TMEM44: variants seen among roughly 807,000 people sequenced by gnomAD.
The protein encoded by TMEM44 is transmembrane protein 44.
Under a neutral mutation model 47.8 loss-of-function variants are expected in TMEM44, and 43 were observed. The observed-to-expected ratio is 0.90, with a 90% CI of 0.70 to 1.16. TMEM44 has a LOEUF of 1.16. Ranked by LOEUF, TMEM44 falls within the 50% of genes most tolerant of loss-of-function variation. The probability of loss-of-function intolerance (pLI) is 0.00; values close to 1 mark genes in which losing one functional copy is unlikely to be tolerated. For missense variants in TMEM44, 568 were observed against 555.2 expected, an observed-to-expected ratio of 1.02 and a Z score of -0.23; for synonymous variants, 277 against 238.8, an observed-to-expected ratio of 1.16 and a Z score of -1.48.
chr3:194,591,713 C>T (rs1457923024), intron 9 of TMEM44, among the ~76,000 whole-genome samples: 2 of 151,620 alleles, frequency 1.3e-5, no homozygotes, highest in Non-Finnish European at 2.9e-5. Flanking sequence ...TCAAGTGATT[C>T]TCCTGCCTTA....
intron 9 of TMEM44, among the ~76,000 whole-genome samples, chr3:194,601,390 C>T (rs143174577): frequency 0.01 from 1,541 of 151,694 alleles, 24 homozygotes; most frequent in African/African-American, 0.035. Context: ...CCGAAACCTC[C>T]GCCTCCTGGG....
intron 9 of TMEM44, among the ~76,000 whole-genome samples, chr3:194,599,576 T>TTTTTCTTTTC (rs200085990): frequency 3.2e-4 from 42 of 133,288 alleles, no homozygotes; most frequent in African/African-American, 8.8e-4. Context: ...TTTCATTTTC[T>TTTTTCTTTTC]TTTTCTTTTC....
intron 2 of TMEM44, among the ~76,000 whole-genome samples, chr3:194,627,458 C>A (rs922312191): frequency 6.6e-6 from 1 of 152,152 alleles, no homozygotes. Context: ...TGAGGGCCTA[C>A]GCTTTTGAGA....
Position 194,616,870 on chromosome 3 carries a change from G to C in TMEM44, c.783+229C>G, listed in dbSNP as rs545761592. ...AGATCACGCCACTGCACTCCAGCCTGGGCAACACAGCGAGACTCCATCTCA... is the reference window on the plus strand; with the variant it reads ...AGATCACGCCACTGCACTCCAGCCTCGGCAACACAGCGAGACTCCATCTCA... On this transcript the variant is annotated intron_variant, in intron 6 of 9. Coordinates refer to ENST00000347147, the MANE Select transcript of TMEM44 (RefSeq NM_001011655.3). 2.8e-5 allele frequency: 16 copies of C among 563,400 alleles called. No individual in the cohort carries two copies. The East Asian group carries it at 4.9e-4, about 17-fold the overall frequency. The allele number at this position is 563,400 out of a possible 1,614,324, so 34.9% of individuals were successfully genotyped here. A position where few individuals can be genotyped will look rare whatever the true frequency, so the allele number is the denominator to read the frequency against.
In TMEM44 at chr3:194,628,478, T is replaced by C; in HGVS notation, c.169A>G (p.Arg57Gly). 1 of 1,613,696 alleles carries C rather than the reference T, an allele frequency of 6.2e-7. No individual in the cohort carries two copies. Among genetic ancestry groups the C allele is most frequent in the Non-Finnish European group, 8.5e-7 (1 of 1,179,816 alleles). ...GCACACAGTGCCGACTGGTCCTGTC[T>C]GGGTTTCTGTGCACATCTCAGATAG... The part of the protein sequence containing the change: ...LLYLRCAQKP[R>G]QDQSALCAAC... Residue 57 changes from arginine (R) to glycine (G), a missense_variant, in exon 2 of 10, where the codon AGA becomes GGA. Arg to Gly is a moderately radical substitution (Grantham distance 125). Coordinates refer to ENST00000347147, the MANE Select transcript of TMEM44 (RefSeq NM_001011655.3).
chr3:194,618,130 G>A (rs7612618), intron 5 of TMEM44, among the ~76,000 whole-genome samples: 57,991 of 152,038 alleles, frequency 0.38, 11,900 homozygotes, highest in East Asian at 0.78. Context: ...ACAGAGACCG[G>A]ATCAGAAGAG....
At chr3:194,612,546 G>T (rs1420793330) in intron 7 of TMEM44, among the ~76,000 whole-genome samples, 4 of 150,826 alleles carry the variant, frequency 2.7e-5, no homozygotes, top group African/African-American at 9.8e-5. Context: ...GTTACTCACA[G>T]CCTCACACCC....
In TMEM44 at chr3:194,611,310, T is replaced by A. The variant is rs1489515399; in HGVS notation, c.913-290A>T. On this transcript the variant is annotated intron_variant, in intron 7 of 9. Transcript: ENST00000347147. The surrounding 1 kb of genome is among the most constrained non-coding windows in gnomAD (Gnocchi z 4.2). ...AGTTTCACTGTACTGACCAGGTTGG[T>A]CTCAAAGTCCTGGGCTCAAGTGATC... is the stretch of plus-strand genomic sequence containing the variant. 6.6e-6 allele frequency among the ~76,000 whole-genome samples: 1 copy of A among 152,134 alleles called. No homozygotes were observed. The highest frequency in any genetic ancestry group is 1.5e-5 in the Non-Finnish European group (1 of 68,024).
chr3:194,632,852 G>A, intron 1 of TMEM44: 1 of 737,372 alleles, frequency 1.4e-6, no homozygotes, highest in African/African-American at 1.9e-5. Context: ...CCCATCCGCT[G>A]CACCACCCAG....
At chr3:194,623,857 T>C (rs1207825867) in intron 3 of TMEM44, among the ~76,000 whole-genome samples, 162 bp from the exon 4 acceptor site, 1 of 152,166 alleles carries the variant, frequency 6.6e-6, no homozygotes, top group Non-Finnish European at 1.5e-5. Context: ...GGCCCTGTAG[T>C]TGTGCCACCT....
At chr3:194,593,359 AATTATT>A (rs574923162) in intron 9 of TMEM44, among the ~76,000 whole-genome samples, 2 of 152,144 alleles carry the variant, frequency 1.3e-5, no homozygotes, top group Admixed American at 6.6e-5. Context: ...TATTAGTAGA[AATTATT>A]ATTATTATTA....
At chr3:194,605,383 A>G (rs1266748036) in intron 8 of TMEM44, among the ~76,000 whole-genome samples, 3 of 152,244 alleles carry the variant, frequency 2.0e-5, no homozygotes, top group Non-Finnish European at 2.9e-5. Flanking sequence ...CTAATGTATT[A>G]GTTTGTTTTC....
At chr3:194,598,365 G>T (rs1351010359) in intron 9 of TMEM44, among the ~76,000 whole-genome samples, 1 of 152,164 alleles carries the variant, frequency 6.6e-6, no homozygotes, top group Non-Finnish European at 1.5e-5. Flanking sequence ...GGGAATAATG[G>T]ATAATAAACA....
At chr3:194,630,667 G>T (rs1227717386) in intron 1 of TMEM44, among the ~76,000 whole-genome samples, 1 of 130,024 alleles carries the variant, frequency 7.7e-6, no homozygotes, top group Non-Finnish European at 1.6e-5. Flanking sequence ...TCCAGAAGGG[G>T]CTGGCTGTTT....
At position 194,588,593 on chromosome 3, in the gene TMEM44, T is replaced by C. The variant is rs1712154108; in HGVS notation, c.1223A>G (p.Glu408Gly). The change falls in exon 10 of 10, where the codon GAG becomes GGG. Residue 408 changes from glutamate to glycine, a missense_variant. By Grantham distance (98) the Glu-to-Gly change is moderately conservative. Transcript: ENST00000347147. ...VNLEGSKENV[E>G]LLGSQVHQDS... ...CTGGTGCACCTGGGATCCCAGTAGC[T>C]CCACATTTTCTTTGCTGCCTTCGAG... 2 of 1,614,048 alleles carry C rather than the reference T, an allele frequency of 1.2e-6. No individual in the cohort carries two copies. The highest frequency in any genetic ancestry group is 2.7e-5 in the African/African-American group (2 of 74,920).
At chr3:194,626,131 C>T (rs962072011) in intron 2 of TMEM44, 141 bp from the exon 3 acceptor site, 1 of 647,148 alleles carries the variant, frequency 1.5e-6, no homozygotes, top group African/African-American at 1.8e-5. Flanking sequence ...CACCTCCTGC[C>T]AACCCCGGAA....
chr3:194,596,192 C>T (rs941671565), intron 9 of TMEM44, among the ~76,000 whole-genome samples: 6 of 152,024 alleles, frequency 3.9e-5, no homozygotes, highest in Non-Finnish European at 8.8e-5. Context: ...AGCAGGGAAG[C>T]ATCGGGCTGG....
At chr3:194,625,832 A>G in intron 3 of TMEM44, 65 bp downstream of exon 3, 2 of 1,387,336 alleles carry the variant, frequency 1.4e-6, no homozygotes, top group Non-Finnish European at 2.0e-6. Flanking sequence ...GATAAGGAGT[A>G]GGCATTCGGC....
At chr3:194,625,785 C>T (rs1717100194) in intron 3 of TMEM44, 112 bp downstream of exon 3, 1 of 973,946 alleles carries the variant, frequency 1.0e-6, no homozygotes, top group South Asian at 1.3e-5. Flanking sequence ...CAGCCTTTCT[C>T]CTTTGTTTGT....
Sources: gnomAD v4.1 joint callset for allele counts (sites outside exome capture counted in the v4.1 genomes callset) on GRCh38, gnomAD v4.1.1 for gene constraint, Gnocchi (gnomAD v3.1) non-coding constraint, MANE v1.5 for transcripts, NCBI Gene and HGNC (gene_info 2026-07-23, HGNC 2026-07-21) for gene names.